The following CAMK2G variants were observed in gnomAD, a reference collection of about 807,000 sequenced individuals.
The protein encoded by CAMK2G is calcium/calmodulin-dependent protein kinase type II subunit gamma.
In CAMK2G, 23 loss-of-function variants were observed where a neutral mutation model predicts 88.7. The ratio of observed to expected loss-of-function variants is 0.26; its 90% confidence interval spans 0.19 to 0.37. The LOEUF (loss-of-function observed/expected upper bound fraction) is 0.37. Among genes scored for constraint, CAMK2G ranks in the 10% least tolerant of loss-of-function variants. The pLI, the probability that CAMK2G is intolerant of heterozygous loss-of-function variation, is 1.00. For synonymous variants in CAMK2G, 263 were observed against 294.8 expected (o/e 0.89, Z 1.11); for missense variants, 476 against 780.8 (o/e 0.61, Z 4.65).
intron 3 of CAMK2G, among the ~76,000 whole-genome samples, chr10:73,855,861 G>T (rs973012692): frequency 7.2e-5 from 11 of 152,196 alleles, no homozygotes; most frequent in African/African-American, 2.7e-4. Flanking sequence ...AATTTGTAAA[G>T]AAATTAACAG....
At chr10:73,843,494 T>G (rs2093977478) in intron 10 of CAMK2G, among the ~76,000 whole-genome samples, 1 of 152,152 alleles carries the variant, frequency 6.6e-6, no homozygotes, top group Admixed American at 6.5e-5. Context: ...ATTATGTAAT[T>G]TCAGAATATA....
intron 5 of CAMK2G, among the ~76,000 whole-genome samples, chr10:73,849,787 GC>G (rs1318953363): frequency 6.6e-6 from 1 of 152,210 alleles, no homozygotes; most frequent in Non-Finnish European, 1.5e-5. Flanking sequence ...GGCGGTGGGT[GC>G]ACTCATTCAT....
intron 2 of CAMK2G, among the ~76,000 whole-genome samples, chr10:73,868,883 C>T (rs1460764452): frequency 2.0e-5 from 3 of 152,190 alleles, no homozygotes; most frequent in Admixed American, 6.5e-5. Context: ...CAGCCTTTAC[C>T]CTTCTGGTGG....
chr10:73,832,687 G>C (rs774573668), intron 14 of CAMK2G, among the ~76,000 whole-genome samples: 1 of 151,846 alleles, frequency 6.6e-6, no homozygotes, highest in Non-Finnish European at 1.5e-5. Context: ...ATATCCCTAC[G>C]GTCATGAAAA....
chr10:73,814,471 A>T lies in CAMK2G; in HGVS notation c.*47T>A, dbSNP rs1297429187. 1 of 153,936 alleles carries T rather than the reference A, an allele frequency of 6.5e-6. No individual in the cohort carries two copies. 9.5% of individuals were successfully genotyped at this position (153,936 alleles called of 1,614,324 possible). A position where few individuals can be genotyped will look rare whatever the true frequency, so the allele number is the denominator to read the frequency against. Reference sequence around the variant, plus strand: ...AGGCCCTCCAGAGCCACTGGCTGCGAAGGTTGGACCTCCGGCTGGAATCTC... The same window carrying T: ...AGGCCCTCCAGAGCCACTGGCTGCGTAGGTTGGACCTCCGGCTGGAATCTC... On this transcript the variant is annotated 3_prime_UTR_variant, in exon 23 of 23. Transcript: ENST00000423381.
Position 73,842,043 on chromosome 10 carries a change from C to T in CAMK2G, c.946+126G>A. 1 of 764,306 alleles carries T rather than the reference C, an allele frequency of 1.3e-6. No homozygotes were observed. The allele number at this position is 764,306 out of a possible 1,614,324, so 47.3% of individuals were successfully genotyped here. On this transcript the variant is annotated intron_variant, in intron 12 of 22. Coordinates refer to ENST00000423381, the MANE Select transcript of CAMK2G (RefSeq NM_001367534.1). The surrounding 1 kb of genome is among the most constrained non-coding windows in gnomAD (Gnocchi z 4.6). ...AGCAGCAGCCCCTCAAAACAGGATC[C>T]TCACTCGCCCTGGTCAAGGTGTGGC... is the stretch of plus-strand genomic sequence containing the variant.
chr10:73,850,431 C>T lies in CAMK2G; in HGVS notation c.342-1098G>A, dbSNP rs1053775040. On this transcript the variant is annotated intron_variant, in intron 5 of 22. Coordinates refer to ENST00000423381, the MANE Select transcript of CAMK2G (RefSeq NM_001367534.1). ...AATGAATTTGCCGCCCGCCCCCCCC[C>T]ACCGCAGGGGACATTTGGCAATGCC... Among the ~76,000 whole-genome samples the T allele has an allele frequency of 3.3e-5, 5 of 152,322 alleles. No homozygotes were observed. The East Asian group carries it at 7.7e-4, about 23-fold the overall frequency.
intron 15 of CAMK2G, among the ~76,000 whole-genome samples, chr10:73,825,641 C>G (rs2090675629): frequency 6.6e-6 from 1 of 152,186 alleles, no homozygotes; most frequent in African/African-American, 2.4e-5. Flanking sequence ...TTGCAAAATC[C>G]ACACCTGACC....
In CAMK2G at chr10:73,839,268, G is replaced by A. The variant is rs976333269; in HGVS notation, c.1009+271C>T. ...TTGGCTGCAGCCCTCCCAGGGCATC[G>A]GGCTCTTGGCAAGGCTCCCGCTGCC... On this transcript the variant is annotated intron_variant, in intron 13 of 22. Transcript: ENST00000423381. The surrounding 1 kb of genome is among the most constrained non-coding windows in gnomAD (Gnocchi z 4.2). Among the ~76,000 whole-genome samples the A allele has an allele frequency of 1.3e-5, 2 of 152,230 alleles. No individual in the cohort carries two copies. Among genetic ancestry groups the A allele is most frequent in the African/African-American group, 2.4e-5 (1 of 41,462 alleles).
chr10:73,829,269 T>C (rs1177913116), intron 14 of CAMK2G, among the ~76,000 whole-genome samples: 1 of 128,974 alleles, frequency 7.8e-6, no homozygotes, highest in African/African-American at 3.4e-5. Flanking sequence ...ATTGGCCTTT[T>C]ATTTATTTAT....
chr10:73,835,188 AC>A (rs1334282387), intron 14 of CAMK2G, among the ~76,000 whole-genome samples: 1 of 152,110 alleles, frequency 6.6e-6, no homozygotes, highest in Admixed American at 6.6e-5. Context: ...CCTCCCTGAG[AC>A]CTTAGCAGAC....
chr10:73,828,244 G>A, intron 14 of CAMK2G, 123 bp from the exon 15 acceptor site: 1 of 781,320 alleles, frequency 1.3e-6, no homozygotes, highest in Non-Finnish European at 2.2e-6. Flanking sequence ...AGCGGAGGGA[G>A]ACCCGGAGTC....
In CAMK2G at chr10:73,828,101, G is replaced by A. The variant is rs2091556536; in HGVS notation, c.1074C>T (p.Ser358=). 5.0e-6 allele frequency: 8 copies of A among 1,613,532 alleles called. No homozygotes were observed. Among genetic ancestry groups the A allele is most frequent in the Non-Finnish European group, 6.8e-6 (8 of 1,179,426 alleles). ...GGVKKRKSSS[S]VHLMPQSNNK... ...AGGCAAGGCTCACCATTAGGTGCAC[G>A]CTGGAACTCGACTTCCTTTTCTGGA... is the stretch of plus-strand genomic sequence containing the variant. Residue 358 remains serine, a synonymous_variant, in exon 15 of 23, where the codon AGC becomes AGT. Transcript: ENST00000423381.
intron 15 of CAMK2G, among the ~76,000 whole-genome samples, chr10:73,827,475 G>A (rs181954170): frequency 1.3e-5 from 2 of 152,066 alleles, no homozygotes; most frequent in East Asian, 1.9e-4. Flanking sequence ...CATCGCGCCC[G>A]GCCCCCACCT....
intron 19 of CAMK2G, chr10:73,818,841 G>T (rs1200081507): frequency 2.2e-6 from 1 of 456,212 alleles, no homozygotes; most frequent in Middle Eastern, 3.3e-4. Context: ...ACTCTGCAAG[G>T]ATAGATGGTG....
intron 14 of CAMK2G, among the ~76,000 whole-genome samples, chr10:73,830,315 C>T (rs1222684740): frequency 6.6e-6 from 1 of 151,968 alleles, no homozygotes; most frequent in African/African-American, 2.4e-5. Flanking sequence ...GCTCTATTGC[C>T]CGGGCTGAAG....
chr10:73,860,725 G>A (rs973262864), intron 3 of CAMK2G, 105 bp downstream of exon 3: 4 of 831,476 alleles, frequency 4.8e-6, no homozygotes, highest in East Asian at 2.4e-5. Flanking sequence ...CAGACACCAG[G>A]TGAAGGTCCA....
intron 3 of CAMK2G, among the ~76,000 whole-genome samples, chr10:73,858,998 G>A (rs2095240955): frequency 6.6e-6 from 1 of 152,224 alleles, no homozygotes; most frequent in African/African-American, 2.4e-5. Context: ...CCTAGCTGCT[G>A]TTCTCCTGCC....
intron 2 of CAMK2G, 89 bp downstream of exon 2, chr10:73,872,900 G>T: frequency 1.2e-6 from 1 of 864,900 alleles, no homozygotes; most frequent in Non-Finnish European, 2.0e-6. Context: ...GTGCTAAAAC[G>T]CACAACCCCC....
Sources: gnomAD v4.1 joint callset for allele counts (sites outside exome capture counted in the v4.1 genomes callset) on GRCh38, gnomAD v4.1.1 for gene constraint, Gnocchi (gnomAD v3.1) non-coding constraint, MANE v1.5 for transcripts, NCBI Gene and HGNC (gene_info 2026-07-23, HGNC 2026-07-21) for gene names.